The following DCAF7 variants were observed in gnomAD, a reference collection of about 807,000 sequenced individuals.
DCAF7 encodes DDB1- and CUL4-associated factor 7.
DCAF7 carries 4 observed loss-of-function variants against 41.2 expected under a neutral mutation model. The ratio of observed to expected loss-of-function variants is 0.10; its 90% CI spans 0.05 to 0.22. DCAF7 has a LOEUF of 0.22. Ranked by LOEUF, DCAF7 falls within the 10% of genes least tolerant of loss-of-function variation. DCAF7 has a pLI of 1.00. For synonymous variants in DCAF7, 143 were observed against 164.2 expected (o/e 0.87, Z 0.99); for missense variants, 131 against 443.2 (o/e 0.30, Z 6.32).
intron 1 of DCAF7, among the ~76,000 whole-genome samples, chr17:63,566,812 G>T (rs1367339861): frequency 6.6e-6 from 1 of 152,058 alleles, no homozygotes; most frequent in South Asian, 2.1e-4. Flanking sequence ...CTGAAGGATC[G>T]CCTGAGCAGG....
chr17:63,564,890 A>G (rs2033424176), intron 1 of DCAF7, among the ~76,000 whole-genome samples: 1 of 152,248 alleles, frequency 6.6e-6, no homozygotes, highest in African/African-American at 2.4e-5. Context: ...CATCCTTCCT[A>G]TGGGCATAGG....
chr17:63,564,914 T>G (rs1190213960), intron 1 of DCAF7, among the ~76,000 whole-genome samples: 1 of 152,158 alleles, frequency 6.6e-6, no homozygotes, highest in Non-Finnish European at 1.5e-5. Context: ...AAATGTGGTG[T>G]TGGGGGATGA....
At chr17:63,576,197 T>C (rs1194363919) in intron 1 of DCAF7, among the ~76,000 whole-genome samples, 1 of 152,128 alleles carries the variant, frequency 6.6e-6, no homozygotes, top group East Asian at 1.9e-4. Context: ...ATCCTAGCAC[T>C]TTGGGAGGCC....
Position 63,589,938 on chromosome 17 carries a change from A to G in DCAF7, c.*766A>G, listed in dbSNP as rs1180664262. The G allele has an allele frequency of 2.0e-5, 3 of 152,796 alleles. No individual in the cohort carries two copies. The highest frequency in any genetic ancestry group is 7.2e-5 in the African/African-American group (3 of 41,456). The allele number at this position is 152,796 out of a possible 1,614,324, so 9.5% of individuals were successfully genotyped here. A position where few individuals can be genotyped will look rare whatever the true frequency, so the allele number is the denominator to read the frequency against. ...GGGCATTCTGGGCTTGTAAACAGAC[A>G]TAGGAAGCCTCTGTTTACCCTGAAG... On this transcript the variant is annotated 3_prime_UTR_variant, in exon 7 of 7. Transcript: ENST00000614556.
intron 1 of DCAF7, among the ~76,000 whole-genome samples, chr17:63,551,313 C>CCG (rs1168914624): frequency 4.0e-5 from 6 of 149,248 alleles, no homozygotes; most frequent in Admixed American, 2.0e-4. Context: ...TCCCACCCCC[C>CCG]CCGGGTACTC....
chr17:63,551,530 C>T (rs1423883412), intron 1 of DCAF7, among the ~76,000 whole-genome samples: 1 of 152,080 alleles, frequency 6.6e-6, no homozygotes, highest in African/African-American at 2.4e-5. Flanking sequence ...GCTGGACATA[C>T]ATCAATTTGA....
chr17:63,563,656 A>G (rs767501186), intron 1 of DCAF7, among the ~76,000 whole-genome samples: 3 of 152,070 alleles, frequency 2.0e-5, no homozygotes, highest in Non-Finnish European at 4.4e-5. Context: ...AAACAAAACA[A>G]AACAAAAATT....
chr17:63,578,755 C>G (rs983416567), intron 2 of DCAF7, 127 bp downstream of exon 2: 1 of 1,332,862 alleles, frequency 7.5e-7, no homozygotes, highest in Non-Finnish European at 1.0e-6. Context: ...GAGAAGCAAG[C>G]GAAGCTTAAA....
chr17:63,560,644 G>A (rs2147761659), intron 1 of DCAF7, among the ~76,000 whole-genome samples: 1 of 152,296 alleles, frequency 6.6e-6, no homozygotes, highest in South Asian at 2.1e-4. Context: ...GGACTGGGAT[G>A]TAGGGGCTCT....
Position 63,550,590 on chromosome 17 carries a change from T to G in DCAF7, c.-88T>G. 6.5e-7 allele frequency: 1 copy of G among 1,538,996 alleles called. No individual in the cohort carries two copies. The highest frequency in any genetic ancestry group is 8.8e-7 in the Non-Finnish European group (1 of 1,136,166). The stretch of plus-strand genomic sequence containing the variant: ...CGTTCCTGCCCGCCCCCTCCTCTCC[T>G]CCCTTCGGACCCATAGATCTCAGGC... On this transcript the variant is annotated 5_prime_UTR_variant, in exon 1 of 7. Coordinates refer to ENST00000614556, the MANE Select transcript of DCAF7 (RefSeq NM_005828.5). This position sits in a 1 kb window ranked among gnomAD's most constrained non-coding sequence, Gnocchi z 4.8.
Position 63,589,239 on chromosome 17 carries a change from T to C in DCAF7, c.*67T>C. The C allele has an allele frequency of 6.3e-7, 1 of 1,593,372 alleles. No homozygotes were observed. Among genetic ancestry groups the C allele is most frequent in the South Asian group, 1.1e-5 (1 of 90,498 alleles). On this transcript the variant is annotated 3_prime_UTR_variant, in exon 7 of 7. Coordinates refer to ENST00000614556, the MANE Select transcript of DCAF7 (RefSeq NM_005828.5). ...TCCTGCCTCTGCCCCACCCCCAAAG[T>C]AAGAAGAAACATGTTTCCAGTGGCC...
chr17:63,589,514 C>T lies in DCAF7; in HGVS notation c.*342C>T, dbSNP rs1188779986. On this transcript the variant is annotated 3_prime_UTR_variant, in exon 7 of 7. Coordinates refer to ENST00000614556, the MANE Select transcript of DCAF7 (RefSeq NM_005828.5). ...GCACTGGCTGTGTCTATTCCTCTGC[C>T]CAGGTGTCTCTGTTTGCTGCCCAAG... The T allele has an allele frequency of 5.7e-6, 2 of 350,378 alleles. No homozygotes were observed. The highest frequency in any genetic ancestry group is 1.1e-5 in the Non-Finnish European group (2 of 180,136). The allele number at this position is 350,378 out of a possible 1,614,324, so 21.7% of individuals were successfully genotyped here.
chr17:63,555,966 G>A (rs1013719644), intron 1 of DCAF7, among the ~76,000 whole-genome samples: 4 of 152,198 alleles, frequency 2.6e-5, no homozygotes, highest in South Asian at 4.1e-4. Flanking sequence ...TGAGCCACGA[G>A]CCAAAGGTGT....
At chr17:63,584,467 G>T (rs8075426) in intron 5 of DCAF7, among the ~76,000 whole-genome samples, 2 of 137,700 alleles carry the variant, frequency 1.5e-5, no homozygotes, top group Admixed American at 1.5e-4. Flanking sequence ...GACTCCATCT[G>T]AAAAAAAAAA....
At chr17:63,554,323 C>A (rs974431320) in intron 1 of DCAF7, among the ~76,000 whole-genome samples, 1 of 152,206 alleles carries the variant, frequency 6.6e-6, no homozygotes, top group Non-Finnish European at 1.5e-5. Context: ...GTGTGAGAAT[C>A]CTGAGGGAGC....
In DCAF7 at chr17:63,590,387, T is replaced by A. The variant is rs2033721427; in HGVS notation, c.*1215T>A. 6.6e-6 allele frequency: 1 copy of A among 152,348 alleles called. No individual in the cohort carries two copies. The highest frequency in any genetic ancestry group is 1.5e-5 in the Non-Finnish European group (1 of 68,052). The allele number at this position is 152,348 out of a possible 1,614,324, so 9.4% of individuals were successfully genotyped here. A position where few individuals can be genotyped will look rare whatever the true frequency, so the allele number is the denominator to read the frequency against. On this transcript the variant is annotated 3_prime_UTR_variant, in exon 7 of 7. Transcript: ENST00000614556. ...GATAGATAGTTAAAAAGCATTATAC[T>A]GTGGGTAATGAAAAGGGAGGAAAAA...
chr17:63,560,559 A>G (rs1264651303), intron 1 of DCAF7, among the ~76,000 whole-genome samples: 2 of 152,168 alleles, frequency 1.3e-5, no homozygotes, highest in African/African-American at 2.4e-5. Flanking sequence ...ATGCATATAC[A>G]TATGTACACC....
Position 63,590,433 on chromosome 17 carries a change from T to C in DCAF7, c.*1261T>C, listed in dbSNP as rs1598040056. ...AAAAAAAAAGAAGGAAAAGGAATTA[T>C]AGACCCCCAGGGTCAGCCAGTTAAG... On this transcript the variant is annotated 3_prime_UTR_variant, in exon 7 of 7. Coordinates refer to ENST00000614556, the MANE Select transcript of DCAF7 (RefSeq NM_005828.5). The C allele has an allele frequency of 2.0e-5, 3 of 152,710 alleles. No individual in the cohort carries two copies. The Admixed American group carries it at 2.0e-4, about 10-fold the overall frequency. 9.5% of individuals were successfully genotyped at this position (152,710 alleles called of 1,614,324 possible). A position where few individuals can be genotyped will look rare whatever the true frequency, so the allele number is the denominator to read the frequency against.
chr17:63,571,280 TA>T (rs2033504059), intron 1 of DCAF7, among the ~76,000 whole-genome samples: 1 of 152,150 alleles, frequency 6.6e-6, no homozygotes, highest in African/African-American at 2.4e-5. Flanking sequence ...TTTGTATCTG[TA>T]AATCTGTAGG....
Sources: allele counts gnomAD v4.1 joint callset (sites outside exome capture counted in the v4.1 genomes callset), GRCh38; gene constraint gnomAD v4.1.1; non-coding constraint Gnocchi (gnomAD v3.1); transcripts MANE v1.5; gene names NCBI Gene and HGNC (gene_info 2026-07-23, HGNC 2026-07-21).